The following SACS variants were observed in gnomAD, a reference collection of about 807,000 sequenced individuals.
SACS encodes the protein sacsin.
A neutral mutation model predicts 348.0 loss-of-function variants in SACS; 197 were observed. The ratio of observed to expected loss-of-function variants is 0.57; its 90% CI spans 0.50 to 0.64. The LOEUF (loss-of-function observed/expected upper bound fraction) is 0.64, where lower values mean the gene tolerates loss of function less well. Among genes scored for constraint, SACS ranks in the 30% least tolerant of loss-of-function variants. SACS has a pLI of 0.00. For missense variants in SACS, 4,999 were observed against 5,360.8 expected, an observed-to-expected ratio of 0.93 and a Z score of 2.11; for synonymous variants, 1,985 against 1,910.6, an observed-to-expected ratio of 1.04 and a Z score of -1.02.
chr13:23,345,023 G>A (rs902730569), intron 9 of SACS, among the ~76,000 whole-genome samples: 6 of 152,206 alleles, frequency 3.9e-5, no homozygotes, highest in African/African-American at 1.4e-4. Flanking sequence ...AGTCCTGAAT[G>A]CTTTAATTAA....
chr13:23,428,790 C>T (rs1255994553), intron 1 of SACS: 1 of 152,170 alleles, frequency 6.6e-6, no homozygotes, highest in Non-Finnish European at 1.5e-5. Context: ...GAAAGTTGCT[C>T]AAGAATATCT....
chr13:23,409,231 T>G (rs955874320), intron 2 of SACS, among the ~76,000 whole-genome samples: 2 of 149,032 alleles, frequency 1.3e-5, no homozygotes, highest in Admixed American at 6.7e-5. Flanking sequence ...TAGTTTTTAG[T>G]ATTTTAGTAG....
Position 23,339,417 on chromosome 13 carries a change from C to T in SACS, c.4459G>A (p.Asp1487Asn). Residue 1487 changes from aspartate to asparagine, a missense_variant, in exon 10 of 10, where the codon GAT (aspartate) becomes AAT (asparagine). Physicochemically the swap from Asp to Asn is conservative, Grantham distance 23. This residue lies in a region of SACS where 3,156 missense variants were observed against 3,380.1 expected (regional missense o/e 0.93). Transcript: ENST00000382292. ...AAACTGCATTCTGTTGCATTTGCATCATCAGCGTTTTGAAGTAGTTCTTTA... is the reference window on the plus strand; with the variant it reads ...AAACTGCATTCTGTTGCATTTGCATTATCAGCGTTTTGAAGTAGTTCTTTA... ...IFKELLQNADDANATECSFLI... is the reference protein window; with the variant it reads ...IFKELLQNADNANATECSFLI... 6.2e-7 allele frequency: 1 copy of T among 1,609,312 alleles called. No homozygotes were observed. The highest frequency in any genetic ancestry group is 8.5e-7 in the Non-Finnish European group (1 of 1,178,322).
intron 5 of SACS, among the ~76,000 whole-genome samples, chr13:23,365,907 G>T (rs905163954): frequency 6.6e-6 from 1 of 152,128 alleles, no homozygotes; most frequent in Non-Finnish European, 1.5e-5. Context: ...GAGTGGAAGG[G>T]TGACCAGCTC....
Position 23,344,845 on chromosome 13 carries a change from C to T in SACS, c.2186-3155G>A, listed in dbSNP as rs540241514. 3.9e-5 allele frequency among the ~76,000 whole-genome samples: 6 copies of T among 152,240 alleles called. No individual in the cohort carries two copies. In the South Asian group the frequency reaches 1.2e-3, roughly 32 times the overall value. The stretch of plus-strand genomic sequence containing the variant: ...TTGCTTCACTATTATCAGTTCAATC[C>T]CTCATTTGTTCAAAATAATAACATC... On this transcript the variant is annotated intron_variant, in intron 9 of 9. Transcript: ENST00000382292.
Position 23,329,040 on chromosome 13 carries a change from CTAAT to C in SACS, c.*1092_*1095del, listed in dbSNP as rs949567987. On this transcript the variant is annotated 3_prime_UTR_variant, in exon 10 of 10. Transcript: ENST00000382292. ...TTTACAGCCAGTACACTTATATAAA[CTAAT>C]TATCATTACCTTTTACATTCTGCAA... 2 of 170,870 alleles carry C rather than the reference CTAAT, an allele frequency of 1.2e-5. No individual in the cohort carries two copies. The highest frequency in any genetic ancestry group is 4.8e-5 in the African/African-American group (2 of 41,818). The allele number at this position is 170,870 out of a possible 1,614,324, so 10.6% of individuals were successfully genotyped here.
chr13:23,402,685 C>T (rs890172859), intron 2 of SACS, among the ~76,000 whole-genome samples: 6 of 152,192 alleles, frequency 3.9e-5, no homozygotes, highest in Non-Finnish European at 7.3e-5. Flanking sequence ...AGAATGCTTA[C>T]AAAGCCCTCT....
rs1218125365 is a variant in SACS at position 23,333,908 on chromosome 13, G to A, written c.9968C>T (p.Ala3323Val). 6.2e-6 allele frequency: 10 copies of A among 1,613,704 alleles called. No individual in the cohort carries two copies. The highest frequency in any genetic ancestry group is 1.1e-5 in the South Asian group (1 of 91,076). The change falls in exon 10 of 10, where the codon GCT (alanine) becomes GTT (valine). Residue 3323 changes from alanine (A) to valine (V), a missense_variant. Around this residue, in one of 6 missense-constraint regions of SACS, gnomAD observed 734 missense variants for 694.0 expected, o/e 1.06. Coordinates refer to ENST00000382292, the MANE Select transcript of SACS (RefSeq NM_014363.6). ...PNAQSDKVFH[A>V]LMKAGCIQLA... The stretch of plus-strand genomic sequence containing the variant: ...CTGAATACAGCCAGCTTTCATTAGA[G>A]CATGAAAAACTTTATCACTCTGGGC...
chr13:23,398,331 G>A (rs1314704655), intron 2 of SACS, among the ~76,000 whole-genome samples: 12 of 151,984 alleles, frequency 7.9e-5, no homozygotes, highest in Non-Finnish European at 1.6e-4. Flanking sequence ...TCAGGAGTTC[G>A]AGACCAGCCT....
intron 5 of SACS, among the ~76,000 whole-genome samples, chr13:23,365,777 G>A (rs146999478): frequency 2.3e-3 from 352 of 152,214 alleles, no homozygotes; most frequent in Non-Finnish European, 3.2e-3. Flanking sequence ...GCTTTCTTGA[G>A]AGCCTGAGAT....
At chr13:23,365,106 T>A in intron 6 of SACS, 60 bp downstream of exon 6, 1 of 1,039,156 alleles carries the variant, frequency 9.6e-7, no homozygotes, top group Non-Finnish European at 1.5e-6. Context: ...GCATTATTAA[T>A]CATTAAAAAC....
At chr13:23,391,495 C>T (rs575441808) in intron 2 of SACS, among the ~76,000 whole-genome samples, 9 of 152,158 alleles carry the variant, frequency 5.9e-5, no homozygotes, top group African/African-American at 1.7e-4. Flanking sequence ...CCTCCTGCAG[C>T]GTCACCAGGG....
chr13:23,405,393 T>C (rs1265527041), intron 2 of SACS, among the ~76,000 whole-genome samples: 2 of 152,164 alleles, frequency 1.3e-5, no homozygotes, highest in South Asian at 2.1e-4. Context: ...TTACACCTTA[T>C]ACAAACATTA....
In SACS at chr13:23,393,011, C is replaced by G. The variant is rs76616090; in HGVS notation, c.21-17742G>C. 2.0e-5 allele frequency among the ~76,000 whole-genome samples: 3 copies of G among 152,242 alleles called. No homozygotes were observed. In the East Asian group the frequency reaches 5.8e-4, roughly 29 times the overall value. On this transcript the variant is annotated intron_variant, in intron 2 of 9. Coordinates refer to ENST00000382292, the MANE Select transcript of SACS (RefSeq NM_014363.6). Reference sequence around the variant, plus strand: ...GGGAGAGGCCATTCACCAACCCTCACCACCCCACCCACAAGTTGCAGTCAC... The same window carrying G: ...GGGAGAGGCCATTCACCAACCCTCAGCACCCCACCCACAAGTTGCAGTCAC...
At chr13:23,360,754 CTTTTTTT>C (rs11340654) in intron 6 of SACS, among the ~76,000 whole-genome samples, 2 of 125,330 alleles carry the variant, frequency 1.6e-5, no homozygotes, top group African/African-American at 2.9e-5. Flanking sequence ...CTCCAAGGTA[CTTTTTTT>C]TTTTTTTTTT....
chr13:23,358,248 G>C, intron 7 of SACS, 87 bp downstream of exon 7: 1 of 1,413,478 alleles, frequency 7.1e-7, no homozygotes, highest in Non-Finnish European at 1.0e-6. Flanking sequence ...CTTTTAAACA[G>C]TATCACCTCT....
rs1175897856 is a variant in SACS, at chr13:23,409,040, C to CTTTTTTTTTTTTTTTTTTTTTTTTTTTTT, written c.20+2151_20+2179dup. Among the ~76,000 whole-genome samples, 10 of 35,148 alleles carry CTTTTTTTTTTTTTTTTTTTTTTTTTTTTT rather than the reference C, an allele frequency of 2.8e-4. 3 individuals carry two copies. The highest frequency in any genetic ancestry group is 4.6e-4 in the African/African-American group (4 of 8,724). 23.1% of individuals were successfully genotyped at this position (35,148 alleles called of 152,430 possible). A position where few individuals can be genotyped will look rare whatever the true frequency, so the allele number is the denominator to read the frequency against. On this transcript the variant is annotated intron_variant, in intron 2 of 9. Transcript: ENST00000382292. ...TATGGTCTTAATAAAACAAGTTTTACTTTTTTTTTTTTTTTTTTTTTTTTT... is the reference window on the plus strand; with the variant it reads ...TATGGTCTTAATAAAACAAGTTTTACTTTTTTTTTTTTTTTTTTTTTTTTTTTTTTTTTTTTTTTTTTTTTTTTTTTTTT...
In SACS at chr13:23,329,836, T is replaced by A; in HGVS notation, c.*300A>T. ...CCTAACCAGAGACATACATAGACTC[T>A]TATCTAACAAACTGCTAAGCTTTGG... On this transcript the variant is annotated 3_prime_UTR_variant, in exon 10 of 10. Transcript: ENST00000382292. 2.0e-6 allele frequency: 1 copy of A among 499,322 alleles called. No homozygotes were observed. Among genetic ancestry groups the A allele is most frequent in the Non-Finnish European group, 3.6e-6 (1 of 280,174 alleles). 30.9% of individuals were successfully genotyped at this position (499,322 alleles called of 1,614,324 possible).
chr13:23,362,256 C>T (rs1433303967), intron 6 of SACS, among the ~76,000 whole-genome samples: 2 of 152,158 alleles, frequency 1.3e-5, no homozygotes, highest in Non-Finnish European at 2.9e-5. Flanking sequence ...TCCCCTGTGT[C>T]TTATAATCAG....
Sources: gnomAD v4.1 joint callset for allele counts (sites outside exome capture counted in the v4.1 genomes callset) on GRCh38, gnomAD v4.1.1 for gene constraint, gnomAD v4.1.1 regional missense constraint, MANE v1.5 for transcripts, NCBI Gene and HGNC (gene_info 2026-07-23, HGNC 2026-07-21) for gene names.